PTPRF: variants seen among roughly 807,000 people sequenced by gnomAD.
PTPRF encodes receptor-type tyrosine-protein phosphatase F.
In PTPRF, 59 loss-of-function variants were observed where a neutral mutation model predicts 201.8. The ratio of observed to expected loss-of-function variants is 0.29; its 90% CI spans 0.24 to 0.36. PTPRF has a LOEUF of 0.36. Among genes scored for constraint, PTPRF ranks in the 10% least tolerant of loss-of-function variants. The probability of loss-of-function intolerance (pLI) is 1.00; values close to 1 mark genes in which losing one functional copy is unlikely to be tolerated. For missense variants in PTPRF, 2,132 were observed against 2,690.5 expected, an observed-to-expected ratio of 0.79 and a Z score of 4.59; for synonymous variants, 1,088 against 1,089.7, an observed-to-expected ratio of 1.00 and a Z score of 0.03.
chr1:43,539,457 C>T (rs1644227105), intron 2 of PTPRF, among the ~76,000 whole-genome samples: 1 of 152,230 alleles, frequency 6.6e-6, no homozygotes, highest in South Asian at 2.1e-4. Context: ...CTGTGACTCT[C>T]TTGTTCATCA....
chr1:43,607,605 C>T (rs1655439770), intron 21 of PTPRF, among the ~76,000 whole-genome samples: 1 of 152,248 alleles, frequency 6.6e-6, no homozygotes, highest in Admixed American at 6.5e-5. Context: ...TTGTCACTCT[C>T]AGTTTAAAAC....
intron 6 of PTPRF, among the ~76,000 whole-genome samples, chr1:43,577,392 G>A (rs1646999380): frequency 6.6e-6 from 1 of 152,238 alleles, no homozygotes; most frequent in African/African-American, 2.4e-5. Context: ...GGCATCTGGT[G>A]GGGAGGGCTG....
chr1:43,565,608 C>T (rs1337355692), intron 5 of PTPRF, among the ~76,000 whole-genome samples: 1 of 152,230 alleles, frequency 6.6e-6, no homozygotes, highest in Non-Finnish European at 1.5e-5. Context: ...CAGGCCATGG[C>T]CCTGAGACGC....
rs1221716037 is a variant in PTPRF, at chr1:43,603,905, T to A, written c.2753T>A (p.Phe918Tyr). 2 of 1,613,648 alleles carry A rather than the reference T, an allele frequency of 1.2e-6. No homozygotes were observed. The highest frequency in any genetic ancestry group is 1.7e-6 in the Non-Finnish European group (2 of 1,179,936). Residue 918 changes from phenylalanine (F) to tyrosine (Y), a missense_variant, in exon 16 of 34, where the codon TTC (phenylalanine) becomes TAC (tyrosine). By Grantham distance (22) the Phe-to-Tyr change is conservative. Transcript: ENST00000359947. This position sits in a 1 kb window ranked among gnomAD's most constrained non-coding sequence, Gnocchi z 5.8. ...ACCCCCGAGGACCTGCCCAGCGGCT[T>A]CCCCCAAAACCTGCATGTGACAGGA... ...IRTPEDLPSG[F>Y]PQNLHVTGLT... is the part of the protein sequence containing the mutation.
intron 1 of PTPRF, among the ~76,000 whole-genome samples, chr1:43,531,829 GCGTCC>G (rs369861722): frequency 8.4e-4 from 128 of 152,236 alleles, no homozygotes; most frequent in African/African-American, 2.6e-3. Flanking sequence ...TGGCCGCCCC[GCGTCC>G]CGTCCCGTCC....
At chr1:43,538,790 C>T (rs1316172719) in intron 2 of PTPRF, among the ~76,000 whole-genome samples, 2 of 152,194 alleles carry the variant, frequency 1.3e-5, no homozygotes, top group Non-Finnish European at 2.9e-5. Flanking sequence ...TGGGCATGTC[C>T]TCTGCATCTC....
intron 17 of PTPRF, 57 bp downstream of exon 17, chr1:43,605,057 G>T: frequency 6.3e-7 from 1 of 1,593,568 alleles, no homozygotes; most frequent in Non-Finnish European, 8.6e-7. Context: ...GCTGGGTGCT[G>T]TCTTTCCAGT....
chr1:43,587,413 G>A (rs552024007), intron 7 of PTPRF, among the ~76,000 whole-genome samples: 5 of 152,324 alleles, frequency 3.3e-5, no homozygotes, highest in East Asian at 1.9e-4. Flanking sequence ...GTTATGCCAC[G>A]CTGTTGACAG....
At chr1:43,526,439 A>T (rs575520567), upstream of PTPRF, among the ~76,000 whole-genome samples, 371 of 148,082 alleles carry the variant, frequency 2.5e-3, 1 homozygote, top group African/African-American at 8.6e-3. Context: ...TACAAAAAAA[A>T]TTTTTTTTTT....
chr1:43,580,640 G>A (rs1248532362), intron 7 of PTPRF, among the ~76,000 whole-genome samples: 1 of 152,234 alleles, frequency 6.6e-6, no homozygotes, highest in African/African-American at 2.4e-5. Flanking sequence ...CCCAGGCAGA[G>A]TGTCTGGCAG....
At chr1:43,615,551 CTTTTT>C (rs68193223) in intron 23 of PTPRF, among the ~76,000 whole-genome samples, 71 of 84,152 alleles carry the variant, frequency 8.4e-4, no homozygotes, top group African/African-American at 3.3e-3. Flanking sequence ...GCTCTGTTGT[CTTTTT>C]TTTTTTTTTT....
intron 22 of PTPRF, chr1:43,612,998 C>A (rs924242291): frequency 5.1e-6 from 2 of 395,706 alleles, no homozygotes; most frequent in Non-Finnish European, 4.7e-6. Flanking sequence ...TTCCTCCAGG[C>A]CTGTTTTCTC....
intron 22 of PTPRF, 47 bp from the exon 23 acceptor site, chr1:43,613,571 C>A: frequency 6.7e-7 from 1 of 1,493,930 alleles, no homozygotes; most frequent in Non-Finnish European, 9.3e-7. Flanking sequence ...TGCCACACTG[C>A]TCAAGCCTCA....
intron 11 of PTPRF, among the ~76,000 whole-genome samples, chr1:43,597,338 G>C (rs1436010831): frequency 6.6e-6 from 1 of 151,528 alleles, no homozygotes; most frequent in Non-Finnish European, 1.5e-5. Flanking sequence ...ATGTATATGT[G>C]ACACTATGTA....
At chr1:43,595,039 G>T (rs992556239) in intron 11 of PTPRF, among the ~76,000 whole-genome samples, 1 of 152,152 alleles carries the variant, frequency 6.6e-6, no homozygotes, top group African/African-American at 2.4e-5. Context: ...GATGAAGCTT[G>T]GTGCATGGTA....
At chr1:43,621,798 G>A in intron 33 of PTPRF, 137 bp from the exon 34 acceptor site, 1 of 789,458 alleles carries the variant, frequency 1.3e-6, no homozygotes, top group Non-Finnish European at 2.1e-6. Context: ...CCCGCACACT[G>A]CCTGATGTAG....
At chr1:43,583,326 T>A (rs1451220439) in intron 7 of PTPRF, among the ~76,000 whole-genome samples, 5 of 152,144 alleles carry the variant, frequency 3.3e-5, no homozygotes, top group Admixed American at 2.6e-4. Flanking sequence ...GCATGTCCCC[T>A]TAGCCTGGTT....
intron 22 of PTPRF, among the ~76,000 whole-genome samples, chr1:43,609,936 G>A (rs1656044137): frequency 6.6e-6 from 1 of 152,160 alleles, no homozygotes; most frequent in Admixed American, 6.5e-5. Flanking sequence ...GAGCCTTCCT[G>A]GAGGCCGACC....
intron 2 of PTPRF, among the ~76,000 whole-genome samples, chr1:43,538,710 C>T (rs971497082): frequency 1.5e-4 from 23 of 152,180 alleles, no homozygotes; most frequent in Admixed American, 4.6e-4. Flanking sequence ...CCATTCGCCA[C>T]GTTTCTGTAG....
Sources: gnomAD v4.1 joint callset for allele counts (sites outside exome capture counted in the v4.1 genomes callset) on GRCh38, gnomAD v4.1.1 for gene constraint, Gnocchi (gnomAD v3.1) non-coding constraint, MANE v1.5 for transcripts, NCBI Gene and HGNC (gene_info 2026-07-23, HGNC 2026-07-21) for gene names.